Variants in DPYD observed in about 807,000 individuals in gnomAD.
The protein encoded by DPYD is dihydropyrimidine dehydrogenase [NADP(+)].
DPYD carries 109 observed loss-of-function variants against 116.2 expected under a neutral mutation model. That is an observed-to-expected ratio of 0.94 (90% confidence interval 0.80 to 1.10). The LOEUF (loss-of-function observed/expected upper bound fraction) is 1.10, where lower values mean the gene tolerates loss of function less well. DPYD is among the 50% of genes least tolerant of loss of function. DPYD has a pLI of 0.00. For missense variants in DPYD, 1,302 were observed against 1,254.5 expected (o/e 1.04, Z -0.57); for synonymous variants, 440 against 432.0 (o/e 1.02, Z -0.23).
chr1:97,290,651 G>C (rs1269830963), intron 18 of DPYD, among the ~76,000 whole-genome samples: 3 of 152,078 alleles, frequency 2.0e-5, no homozygotes, highest in African/African-American at 7.2e-5. Flanking sequence ...AGCTGAAACT[G>C]GATCCCTTCC....
chr1:97,111,421 T>C (rs1370961056), intron 20 of DPYD, among the ~76,000 whole-genome samples: 2 of 152,008 alleles, frequency 1.3e-5, no homozygotes, highest in African/African-American at 2.4e-5. Context: ...ACTCCAGCCA[T>C]ATTGTTCTTG....
chr1:97,329,581 T>G (rs911427265), intron 16 of DPYD, among the ~76,000 whole-genome samples: 7 of 151,424 alleles, frequency 4.6e-5, no homozygotes, highest in African/African-American at 1.7e-4. Context: ...ACCCGGTATC[T>G]ACTAAAAATT....
rs1184720719 is a variant in DPYD, at chr1:97,560,151, T to C, written c.1340-10407A>G. On this transcript the variant is annotated intron_variant, in intron 11 of 22. Coordinates refer to ENST00000370192, the MANE Select transcript of DPYD (RefSeq NM_000110.4). ...AAATAAATCACAAGGCTGGGTAAAG[T>C]TTCCAAAGAAAGAGTGCAAAAACAG... is the stretch of plus-strand genomic sequence containing the variant. Among the ~76,000 whole-genome samples the C allele has an allele frequency of 2.0e-5, 3 of 152,082 alleles. No homozygotes were observed. In the East Asian group the frequency reaches 5.8e-4, roughly 29 times the overall value.
chr1:97,479,644 T>C (rs1678188901), intron 13 of DPYD, among the ~76,000 whole-genome samples: 1 of 152,092 alleles, frequency 6.6e-6, no homozygotes, highest in African/African-American at 2.4e-5. Flanking sequence ...AAGAATGACA[T>C]CAACAGACTT....
intron 19 of DPYD, among the ~76,000 whole-genome samples, chr1:97,203,914 G>T (rs1327182028): frequency 1.3e-5 from 2 of 151,664 alleles, no homozygotes; most frequent in Non-Finnish European, 2.9e-5. Flanking sequence ...TTCAGTAGTT[G>T]GTGTGATAGT....
chr1:97,123,675 C>T (rs752459589), intron 20 of DPYD, among the ~76,000 whole-genome samples: 1 of 152,100 alleles, frequency 6.6e-6, no homozygotes, highest in Non-Finnish European at 1.5e-5. Flanking sequence ...TACATGGACA[C>T]ATATATATGA....
chr1:97,319,335 C>A (rs1381909393), intron 16 of DPYD, among the ~76,000 whole-genome samples: 1 of 149,188 alleles, frequency 6.7e-6, no homozygotes. Context: ...AGACTGCTAG[C>A]AAGACTAATA....
At chr1:97,228,799 C>G (rs1661368138) in intron 19 of DPYD, among the ~76,000 whole-genome samples, 1 of 151,764 alleles carries the variant, frequency 6.6e-6, no homozygotes, top group Non-Finnish European at 1.5e-5. Flanking sequence ...TTCGGTTGGG[C>G]AATGAGAGGC....
chr1:97,134,612 T>TTA (rs1461603541), intron 20 of DPYD, among the ~76,000 whole-genome samples: 1 of 152,206 alleles, frequency 6.6e-6, no homozygotes, highest in African/African-American at 2.4e-5. Flanking sequence ...AAAGGCTTCC[T>TTA]TAAAGAGGGT....
intron 3 of DPYD, among the ~76,000 whole-genome samples, chr1:97,817,943 A>C (rs187592860): frequency 1.3e-5 from 2 of 152,096 alleles, no homozygotes; most frequent in Non-Finnish European, 2.9e-5. Context: ...GTCTGTATCT[A>C]AAATGATAAG....
At chr1:97,313,848 C>T (rs1351306987) in intron 16 of DPYD, among the ~76,000 whole-genome samples, 2 of 151,936 alleles carry the variant, frequency 1.3e-5, no homozygotes, top group Non-Finnish European at 2.9e-5. Flanking sequence ...TTTCTTTCTA[C>T]TAGACTATTA....
chr1:97,543,569 A>G (rs1219121825), intron 12 of DPYD, among the ~76,000 whole-genome samples: 1 of 152,208 alleles, frequency 6.6e-6, no homozygotes, highest in Admixed American at 6.5e-5. Flanking sequence ...CCCCAAAACA[A>G]ACTAATGTAA....
intron 16 of DPYD, among the ~76,000 whole-genome samples, chr1:97,349,860 C>T (rs980805540): frequency 5.3e-5 from 8 of 150,120 alleles, no homozygotes; most frequent in Non-Finnish European, 1.0e-4. Flanking sequence ...GGGTATATAC[C>T]CAGTAATGGG....
intron 19 of DPYD, among the ~76,000 whole-genome samples, chr1:97,212,791 C>T (rs1418024752): frequency 2.0e-5 from 3 of 151,994 alleles, no homozygotes; most frequent in Non-Finnish European, 4.4e-5. Flanking sequence ...CATAGTGTAC[C>T]GGTTAAAATA....
intron 7 of DPYD, chr1:97,691,254 A>C (rs1194863133): frequency 6.5e-6 from 1 of 153,660 alleles, no homozygotes; most frequent in South Asian, 2.0e-4. Context: ...TTTCTATCCC[A>C]CTGATTTACT....
chr1:97,092,610 T>C (rs1649967428), intron 21 of DPYD, among the ~76,000 whole-genome samples: 1 of 152,140 alleles, frequency 6.6e-6, no homozygotes, highest in Non-Finnish European at 1.5e-5. Context: ...GCAGCTTCTA[T>C]CTTGGGTCTG....
At chr1:97,716,625 A>C (rs1363483909) in intron 5 of DPYD, among the ~76,000 whole-genome samples, 2 of 152,132 alleles carry the variant, frequency 1.3e-5, no homozygotes, top group African/African-American at 4.8e-5. Context: ...AGATCCCTCC[A>C]TCACCACACA....
At chr1:97,553,377 G>T (rs1444987443) in intron 11 of DPYD, among the ~76,000 whole-genome samples, 2 of 151,854 alleles carry the variant, frequency 1.3e-5, no homozygotes, top group African/African-American at 2.4e-5. Flanking sequence ...TCTCAGAAAG[G>T]AATTCATTTA....
intron 3 of DPYD, among the ~76,000 whole-genome samples, chr1:97,754,484 G>C (rs1165325816): frequency 1.3e-5 from 2 of 152,158 alleles, no homozygotes; most frequent in Non-Finnish European, 2.9e-5. Flanking sequence ...TACGTGGCAT[G>C]CTCCATTAAT....
Sources: gnomAD v4.1 joint callset for allele counts (sites outside exome capture counted in the v4.1 genomes callset) on GRCh38, gnomAD v4.1.1 for gene constraint, MANE v1.5 for transcripts, NCBI Gene and HGNC (gene_info 2026-07-23, HGNC 2026-07-21) for gene names.